The following RARB variants were observed in gnomAD, a reference collection of about 807,000 sequenced individuals.
RARB encodes retinoic acid receptor beta, also known as HBV-activated protein.
In RARB, 17 loss-of-function variants were observed where a neutral mutation model predicts 51.9. The observed-to-expected ratio is 0.33, with a 90% CI of 0.22 to 0.49. The LOEUF is 0.49. Among genes scored for constraint, RARB ranks in the 20% least tolerant of loss-of-function variants. The pLI is 0.99. For synonymous variants in RARB, 215 were observed against 195.4 expected (o/e 1.10, Z -0.84); for missense variants, 369 against 550.8 (o/e 0.67, Z 3.30).
At chr3:25,547,402 G>A (rs1699660016) in intron 3 of RARB, among the ~76,000 whole-genome samples, 1 of 152,166 alleles carries the variant, frequency 6.6e-6, no homozygotes, top group Non-Finnish European at 1.5e-5. Context: ...CAAGTACTTG[G>A]CCCTGGTAAA....
chr3:24,926,823 G>C (rs1243005312), intron 2 of RARB, among the ~76,000 whole-genome samples: 2 of 152,046 alleles, frequency 1.3e-5, no homozygotes, highest in Admixed American at 6.6e-5. Flanking sequence ...GTATAGTTAT[G>C]ATAAATTCCC....
chr3:24,935,354 G>A (rs1281057931), intron 2 of RARB, among the ~76,000 whole-genome samples: 1 of 151,992 alleles, frequency 6.6e-6, no homozygotes, highest in Non-Finnish European at 1.5e-5. Flanking sequence ...AAGGCAAACA[G>A]AAATCTTTAA....
intron 3 of RARB, among the ~76,000 whole-genome samples, chr3:25,565,183 T>C (rs561134213): frequency 9.8e-5 from 15 of 152,298 alleles, no homozygotes; most frequent in African/African-American, 3.4e-4. Context: ...ACAGTGGGTT[T>C]CCTAAGTTCT....
At chr3:24,984,549 C>T (rs1046133899) in intron 2 of RARB, among the ~76,000 whole-genome samples, 2 of 151,872 alleles carry the variant, frequency 1.3e-5, no homozygotes, top group African/African-American at 2.4e-5. Context: ...TCTAAAAAAC[C>T]GAATACACAG....
chr3:25,411,366 A>G (rs2125500766), intron 5 of RARB, among the ~76,000 whole-genome samples: 1 of 152,370 alleles, frequency 6.6e-6, no homozygotes, highest in East Asian at 1.9e-4. Flanking sequence ...AAAATTCTAC[A>G]CAATACAAAA....
intron 2 of RARB, among the ~76,000 whole-genome samples, chr3:25,030,433 ATTTGGT>A (rs1359941218): frequency 1.3e-5 from 2 of 152,212 alleles, no homozygotes; most frequent in Non-Finnish European, 2.9e-5. Flanking sequence ...TCTTTCATAG[ATTTGGT>A]TTTGGTTTAA....
chr3:25,380,281 G>A (rs1056489058), intron 5 of RARB, among the ~76,000 whole-genome samples: 41 of 152,028 alleles, frequency 2.7e-4, no homozygotes, highest in Admixed American at 2.6e-4. Flanking sequence ...AGCTGACATC[G>A]TCCATCCTCT....
intron 5 of RARB, among the ~76,000 whole-genome samples, chr3:25,581,255 G>T (rs1361745009): frequency 6.6e-6 from 1 of 152,148 alleles, no homozygotes; most frequent in Non-Finnish European, 1.5e-5. Context: ...AGCTATGAGA[G>T]ACCTAATAAA....
chr3:24,854,843 C>G (rs1702611745), intron 1 of RARB, among the ~76,000 whole-genome samples: 1 of 152,148 alleles, frequency 6.6e-6, no homozygotes, highest in Admixed American at 6.5e-5. Context: ...TAGATGAGAA[C>G]TAGTGCCTTA....
chr3:24,916,337 A>G, intron 2 of RARB, among the ~76,000 whole-genome samples: 1 of 152,150 alleles, frequency 6.6e-6, no homozygotes, highest in East Asian at 1.9e-4. Context: ...GGCCCCACAG[A>G]AGGGCATCAG....
At chr3:25,147,224 T>C (rs1700208075) in intron 4 of RARB, among the ~76,000 whole-genome samples, 2 of 152,146 alleles carry the variant, frequency 1.3e-5, no homozygotes, top group Non-Finnish European at 2.9e-5. Flanking sequence ...TCTAGGTGAT[T>C]ATCTTCAGGT....
At chr3:25,521,216 T>C (rs974381408) in intron 3 of RARB, among the ~76,000 whole-genome samples, 1 of 152,288 alleles carries the variant, frequency 6.6e-6, no homozygotes, top group East Asian at 1.9e-4. Flanking sequence ...AGTGAAGAGA[T>C]CTTTGCTATA....
intron 5 of RARB, among the ~76,000 whole-genome samples, chr3:25,201,934 A>T (rs1292867632): frequency 6.6e-6 from 1 of 152,088 alleles, no homozygotes; most frequent in Non-Finnish European, 1.5e-5. Flanking sequence ...TGGTATCAGG[A>T]TGATGCTGGC....
At chr3:25,336,513 A>G (rs995289565) in intron 5 of RARB, among the ~76,000 whole-genome samples, 1 of 152,206 alleles carries the variant, frequency 6.6e-6, no homozygotes, top group Non-Finnish European at 1.5e-5. Flanking sequence ...GCAAAAATCA[A>G]ACGTTAGACT....
At chr3:25,208,704 CA>C (rs1240698624) in intron 5 of RARB, among the ~76,000 whole-genome samples, 1 of 152,082 alleles carries the variant, frequency 6.6e-6, no homozygotes, top group Non-Finnish European at 1.5e-5. Flanking sequence ...ATTTGTTTTA[CA>C]GAAGAAATGT....
chr3:24,830,901 GAGA>G (rs1466417960), intron 1 of RARB, among the ~76,000 whole-genome samples: 5 of 152,272 alleles, frequency 3.3e-5, no homozygotes, highest in South Asian at 4.2e-4. Flanking sequence ...CTAGAAGTAG[GAGA>G]AGAAGAAGAA....
At chr3:25,109,379 C>A (rs374113295) in intron 3 of RARB, among the ~76,000 whole-genome samples, 111 of 152,136 alleles carry the variant, frequency 7.3e-4, no homozygotes, top group African/African-American at 2.6e-3. Context: ...ATCTTTGGAA[C>A]AAGCAGGGGC....
chr3:24,865,733 T>G (rs928571808), intron 2 of RARB, among the ~76,000 whole-genome samples: 1 of 152,210 alleles, frequency 6.6e-6, no homozygotes, highest in South Asian at 2.1e-4. Flanking sequence ...GAGTAAAATC[T>G]AAATTAACAT....
intron 3 of RARB, among the ~76,000 whole-genome samples, chr3:25,103,345 G>T (rs1699439423): frequency 6.6e-6 from 1 of 152,148 alleles, no homozygotes; most frequent in African/African-American, 2.4e-5. Context: ...AAATGAACTG[G>T]CTTCTTCTCA....
Sources: gnomAD v4.1 joint callset for allele counts (sites outside exome capture counted in the v4.1 genomes callset) on GRCh38, gnomAD v4.1.1 for gene constraint, MANE v1.5 for transcripts, NCBI Gene and HGNC (gene_info 2026-07-23, HGNC 2026-07-21) for gene names.